The following OVCH1 variants were observed in gnomAD, a reference collection of about 807,000 sequenced individuals.
The protein encoded by OVCH1 is ovochymase 1, also known as ovochymase-1.
Under a neutral mutation model 138.4 loss-of-function variants are expected in OVCH1, and 139 were observed. The observed-to-expected ratio is 1.00, with a 90% confidence interval of 0.87 to 1.16. The LOEUF (loss-of-function observed/expected upper bound fraction) is 1.16, where lower values mean the gene tolerates loss of function less well. Ranked by LOEUF, OVCH1 falls within the 50% of genes most tolerant of loss-of-function variation. OVCH1 has a pLI of 0.00. For synonymous variants in OVCH1, 453 were observed against 467.8 expected (o/e 0.97, Z 0.41); for missense variants, 1,367 against 1,357.9 (o/e 1.01, Z -0.11).
At chr12:29,481,884 T>G (rs936690241) in intron 8 of OVCH1, among the ~76,000 whole-genome samples, 11 of 152,154 alleles carry the variant, frequency 7.2e-5, no homozygotes, top group Non-Finnish European at 5.9e-5. Context: ...AAACCCAAAC[T>G]GTCAACTCAT....
rs751238013 is a variant in OVCH1 at position 29,454,817 on chromosome 12, T to C, written c.2530+24A>G. On this transcript the variant is annotated intron_variant, in intron 21 of 27. Coordinates refer to ENST00000318184, the Ensembl canonical transcript of OVCH1. ...GCCAAATTCTGGCTGAAAGTATTAA[T>C]GGGATAATGTAAACATTTATTACCT... The C allele has an allele frequency of 2.5e-6, 4 of 1,570,764 alleles. No individual in the cohort carries two copies. In the African/African-American group the frequency reaches 4.1e-5, roughly 16 times the overall value.
the OVCH1 span, among the ~76,000 whole-genome samples, chr12:29,405,368 C>T: frequency 1.3e-5 from 2 of 152,296 alleles, no homozygotes; most frequent in South Asian, 4.1e-4. Flanking sequence ...GATCCTGCAG[C>T]TCTTCTGAAT....
chr12:29,489,123 A>C (rs558656669), intron 6 of OVCH1, among the ~76,000 whole-genome samples: 9 of 152,316 alleles, frequency 5.9e-5, no homozygotes, highest in Non-Finnish European at 1.0e-4. Context: ...TCCTCTCTAA[A>C]TATCTTGTGA....
chr12:29,490,404 T>A (rs775303188), intron 5 of OVCH1, among the ~76,000 whole-genome samples: 1 of 152,150 alleles, frequency 6.6e-6, no homozygotes. Flanking sequence ...AAATAAAAAA[T>A]CACAATGTAT....
intron 3 of OVCH1, among the ~76,000 whole-genome samples, chr12:29,422,151 A>G (rs1043498711): frequency 2.0e-5 from 3 of 152,188 alleles, no homozygotes; most frequent in Non-Finnish European, 2.9e-5. Flanking sequence ...CTGTTTGTAC[A>G]CATGTGTAAC....
exon 6 of OVCH1, chr12:29,489,692 G>C (rs1943222460): frequency 6.2e-7 from 1 of 1,610,102 alleles, no homozygotes; most frequent in African/African-American, 1.3e-5. Flanking sequence ...GGAGGTTCAT[G>C]CTCTTGAGCA....
intron 16 of OVCH1, among the ~76,000 whole-genome samples, chr12:29,467,690 A>G (rs1400754780): frequency 6.6e-6 from 1 of 152,186 alleles, no homozygotes; most frequent in Non-Finnish European, 1.5e-5. Context: ...TTGGTCTCCA[A>G]AAGTAAGATA....
chr12:29,458,141 C>T (rs1942015470), intron 19 of OVCH1, among the ~76,000 whole-genome samples: 1 of 152,006 alleles, frequency 6.6e-6, no homozygotes, highest in Non-Finnish European at 1.5e-5. Context: ...GAAAAATAAT[C>T]ATAAAATGTA....
chr12:29,444,021 TA>T, intron 24 of OVCH1, 123 bp downstream of exon 24: 1 of 1,106,456 alleles, frequency 9.0e-7, no homozygotes, highest in Non-Finnish European at 1.2e-6. Flanking sequence ...AGGGGTTACC[TA>T]AGAGTCTATT....
downstream of OVCH1, among the ~76,000 whole-genome samples, chr12:29,408,923 G>C (rs973784352): frequency 6.6e-6 from 1 of 152,192 alleles, no homozygotes; most frequent in Admixed American, 6.5e-5. Context: ...ATTTGGCTGT[G>C]AATCCATCTG....
chr12:29,451,544 T>C, exon 22 of OVCH1: 1 of 1,612,058 alleles, frequency 6.2e-7, no homozygotes, highest in Non-Finnish European at 8.5e-7. Context: ...CTCTAGGCTT[T>C]TCTAGCTCTG....
chr12:29,433,825 T>C, intron 26 of OVCH1: 1 of 1,385,612 alleles, frequency 7.2e-7, no homozygotes, highest in Non-Finnish European at 9.6e-7. Context: ...TAAAATTAAG[T>C]AAAATGTTTT....
intron 15 of OVCH1, 42 bp from the exon 16 acceptor site, chr12:29,472,024 A>G (rs1300006816): frequency 2.6e-6 from 4 of 1,539,772 alleles, no homozygotes; most frequent in Non-Finnish European, 3.5e-6. Flanking sequence ...GGTTGCAGTA[A>G]TTTAGAACAT....
chr12:29,476,339 A>T, intron 12 of OVCH1, 40 bp from the exon 13 acceptor site: 1 of 1,483,834 alleles, frequency 6.7e-7, no homozygotes. Context: ...TGGTCAAAGA[A>T]GAGAAGAGAG....
chr12:29,463,112 T>A (rs535823383), intron 18 of OVCH1, among the ~76,000 whole-genome samples: 1 of 152,214 alleles, frequency 6.6e-6, no homozygotes, highest in Non-Finnish European at 1.5e-5. Flanking sequence ...ATGCCATGTA[T>A]GCTTCTAGCC....
chr12:29,489,767 T>C (rs1943225297), exon 6 of OVCH1: 2 of 1,608,990 alleles, frequency 1.2e-6, no homozygotes, highest in Non-Finnish European at 1.7e-6. Flanking sequence ...TTGAATATTC[T>C]GATGCTGTAG....
In OVCH1 at chr12:29,454,937, T is replaced by A. The variant is rs997399917; in HGVS notation, c.2438-4A>T. On this transcript the variant is annotated splice_region_variant and splice_polypyrimidine_tract_variant and intron_variant, in intron 20 of 27. Transcript: ENST00000318184. ...TTTGTCTGAAGTGAAGCAGGACCTG[T>A]ATTTGGGGAGAACATGTTAAAAATA... 1 of 1,600,002 alleles carries A rather than the reference T, an allele frequency of 6.2e-7. No individual in the cohort carries two copies. The highest frequency in any genetic ancestry group is 8.6e-7 in the Non-Finnish European group (1 of 1,168,882).
At chr12:29,429,624 A>G (rs1381523425) in intron 27 of OVCH1, among the ~76,000 whole-genome samples, 1 of 152,188 alleles carries the variant, frequency 6.6e-6, no homozygotes, top group African/African-American at 2.4e-5. Context: ...TTCTGTTATA[A>G]AGTCTTTAAT....
intron 12 of OVCH1, 65 bp from the exon 13 acceptor site, chr12:29,476,364 T>G: frequency 7.7e-7 from 1 of 1,300,616 alleles, no homozygotes; most frequent in Non-Finnish European, 1.1e-6. Flanking sequence ...TTAAAGGGTT[T>G]TCCTCTGTGT....
Sources: allele counts gnomAD v4.1 joint callset (sites outside exome capture counted in the v4.1 genomes callset), GRCh38; gene constraint gnomAD v4.1.1; transcripts MANE v1.5; gene names NCBI Gene and HGNC (gene_info 2026-07-23, HGNC 2026-07-21).